KPNA3: variants seen among roughly 807,000 people sequenced by gnomAD.
The protein encoded by KPNA3 is importin subunit alpha-4.
KPNA3 carries 13 observed loss-of-function variants against 73.8 expected under a neutral mutation model. The observed-to-expected ratio is 0.18, with a 90% CI of 0.11 to 0.28. The LOEUF is 0.28. KPNA3 is among the 10% of genes least tolerant of loss of function. The pLI, the probability that KPNA3 is intolerant of heterozygous loss-of-function variation, is 1.00. For missense variants in KPNA3, 360 were observed against 618.1 expected, an observed-to-expected ratio of 0.58 and a Z score of 4.43; for synonymous variants, 186 against 206.9, an observed-to-expected ratio of 0.90 and a Z score of 0.87.
Position 49,732,796 on chromosome 13 carries a change from T to C in KPNA3, c.205-20A>G. ...ATTTTGCTTAAAAAGAAAAAAAAAATAGTTCAGCAGAGTTTATTAACAAAA... is the reference window on the plus strand; with the variant it reads ...ATTTTGCTTAAAAAGAAAAAAAAAACAGTTCAGCAGAGTTTATTAACAAAA... On this transcript the variant is annotated intron_variant, in intron 3 of 16. Coordinates refer to ENST00000261667, the MANE Select transcript of KPNA3 (RefSeq NM_002267.4). 1 of 1,521,862 alleles carries C rather than the reference T, an allele frequency of 6.6e-7. No individual in the cohort carries two copies. Among genetic ancestry groups the C allele is most frequent in the Non-Finnish European group, 9.0e-7 (1 of 1,109,530 alleles). The allele number at this position is 1,521,862 out of a possible 1,614,324, so 94.3% of individuals were successfully genotyped here. A position where few individuals can be genotyped will look rare whatever the true frequency, so the allele number is the denominator to read the frequency against.
chr13:49,769,063 T>C (rs1306921830), intron 1 of KPNA3, among the ~76,000 whole-genome samples: 1 of 152,218 alleles, frequency 6.6e-6, no homozygotes, highest in East Asian at 1.9e-4. Context: ...CTCCAGTTTG[T>C]CTGCTTTTGA....
At chr13:49,783,208 A>C (rs1193517402) in intron 1 of KPNA3, among the ~76,000 whole-genome samples, 1 of 152,180 alleles carries the variant, frequency 6.6e-6, no homozygotes, top group Non-Finnish European at 1.5e-5. Flanking sequence ...GTCAAAATAA[A>C]GTAAAATCTA....
intron 2 of KPNA3, among the ~76,000 whole-genome samples, chr13:49,742,527 T>A (rs1216848232): frequency 6.6e-6 from 1 of 152,156 alleles, no homozygotes; most frequent in Non-Finnish European, 1.5e-5. Context: ...TGCAGTAGAT[T>A]TTCATATCAG....
chr13:49,702,018 A>G lies in KPNA3; in HGVS notation c.1468-120T>C, dbSNP rs1954152955. 6.3e-6 allele frequency: 4 copies of G among 637,088 alleles called. No homozygotes were observed. The African/African-American group carries it at 7.5e-5, about 12-fold the overall frequency. The allele number at this position is 637,088 out of a possible 1,614,324, so 39.5% of individuals were successfully genotyped here. On this transcript the variant is annotated intron_variant, in intron 16 of 16. Coordinates refer to ENST00000261667, the MANE Select transcript of KPNA3 (RefSeq NM_002267.4). ...ATGTGAATGCTTTAACCAACTAAAA[A>G]TATTCGAGTAAATCAATAATTTTAT... is the stretch of plus-strand genomic sequence containing the variant.
chr13:49,788,858 A>G (rs894486141), intron 1 of KPNA3, among the ~76,000 whole-genome samples: 1 of 151,534 alleles, frequency 6.6e-6, no homozygotes, highest in African/African-American at 2.4e-5. Flanking sequence ...ATCAGTGATG[A>G]TAATTACTCC....
At chr13:49,783,712 T>A in intron 1 of KPNA3, among the ~76,000 whole-genome samples, 1 of 152,234 alleles carries the variant, frequency 6.6e-6, no homozygotes, top group East Asian at 1.9e-4. Context: ...AAGTTACTTT[T>A]TTTTCCACTT....
chr13:49,780,316 C>T (rs903510134), intron 1 of KPNA3, among the ~76,000 whole-genome samples: 6 of 152,194 alleles, frequency 3.9e-5, no homozygotes, highest in African/African-American at 1.4e-4. Context: ...GCCCTCAAAG[C>T]CCTAATATTT....
At chr13:49,768,269 ACT>A (rs1483665870) in intron 1 of KPNA3, among the ~76,000 whole-genome samples, 1 of 128,934 alleles carries the variant, frequency 7.8e-6, no homozygotes, top group Non-Finnish European at 1.6e-5. Context: ...ACAGTGCGAG[ACT>A]CTGTCTCAAA....
At chr13:49,790,908 G>GA (rs748507759) in intron 1 of KPNA3, among the ~76,000 whole-genome samples, 1 of 152,214 alleles carries the variant, frequency 6.6e-6, no homozygotes, top group Non-Finnish European at 1.5e-5. Flanking sequence ...TAGGCTTCAA[G>GA]AAAAATTCCT....
At chr13:49,705,034 T>A (rs1007923112) in intron 15 of KPNA3, among the ~76,000 whole-genome samples, 1 of 152,212 alleles carries the variant, frequency 6.6e-6, no homozygotes, top group Non-Finnish European at 1.5e-5. Context: ...TCATGCACTG[T>A]GACTTCAAGA....
chr13:49,754,189 T>G (rs980892832), intron 1 of KPNA3, among the ~76,000 whole-genome samples: 1 of 152,010 alleles, frequency 6.6e-6, no homozygotes, highest in Non-Finnish European at 1.5e-5. Flanking sequence ...CAATCCCAGC[T>G]ATTCCCGGAG....
chr13:49,786,009 T>G (rs12876223), intron 1 of KPNA3, among the ~76,000 whole-genome samples: 32,601 of 152,162 alleles, frequency 0.21, 4,449 homozygotes, highest in Non-Finnish European at 0.32. Context: ...AACATTAATG[T>G]GATACTAAAA....
At chr13:49,708,314 C>T (rs1291913472) in intron 12 of KPNA3, among the ~76,000 whole-genome samples, 1 of 152,016 alleles carries the variant, frequency 6.6e-6, no homozygotes, top group African/African-American at 2.4e-5. Context: ...TAAATTTAAA[C>T]CACAATGAGA....
Position 49,732,995 on chromosome 13 carries a change from T to G in KPNA3, c.166A>C (p.Ser56Arg). 1.2e-6 allele frequency: 2 copies of G among 1,611,900 alleles called. No homozygotes were observed. Among genetic ancestry groups the G allele is most frequent in the Non-Finnish European group, 1.7e-6 (2 of 1,178,356 alleles). The change falls in exon 3 of 17, where the codon AGT becomes CGT. Residue 56 changes from serine (S) to arginine (R), a missense_variant. Physicochemically the swap from Ser to Arg is moderately radical, Grantham distance 110. Transcript: ENST00000261667. ...GCATCAACATCTGAATCTTCTAGAC[T>G]TTCTTCTTGGGGAACATTTCTCTTT... ...LKKRNVPQEE[S>R]LEDSDVDADF... is the part of the protein sequence containing the mutation.
chr13:49,769,670 C>T (rs998222350), intron 1 of KPNA3, among the ~76,000 whole-genome samples: 1 of 152,132 alleles, frequency 6.6e-6, no homozygotes, highest in African/African-American at 2.4e-5. Flanking sequence ...ATTTTATCTA[C>T]CTATTCTTCC....
At chr13:49,705,836 A>T in intron 14 of KPNA3, 53 bp from the exon 15 acceptor site, 1 of 1,431,582 alleles carries the variant, frequency 7.0e-7, no homozygotes, top group Non-Finnish European at 9.3e-7. Context: ...TCTATTTCCC[A>T]GTAGGGTGTC....
intron 1 of KPNA3, among the ~76,000 whole-genome samples, chr13:49,763,900 C>T: frequency 6.6e-6 from 1 of 152,050 alleles, no homozygotes; most frequent in East Asian, 1.9e-4. Flanking sequence ...GACATCTCTA[C>T]AAAAAGATTT....
At chr13:49,720,543 T>C (rs1276990799) in intron 9 of KPNA3, among the ~76,000 whole-genome samples, 3 of 151,966 alleles carry the variant, frequency 2.0e-5, no homozygotes, top group African/African-American at 4.8e-5. Context: ...GACTGCTTGA[T>C]GCCAGGAGTT....
chr13:49,703,746 C>T (rs1411416404), intron 15 of KPNA3, among the ~76,000 whole-genome samples: 2 of 152,130 alleles, frequency 1.3e-5, no homozygotes, highest in Non-Finnish European at 2.9e-5. Context: ...TTACTCCACA[C>T]ATCATATACA....
Sources: gnomAD v4.1 joint callset for allele counts (sites outside exome capture counted in the v4.1 genomes callset) on GRCh38, gnomAD v4.1.1 for gene constraint, MANE v1.5 for transcripts, NCBI Gene and HGNC (gene_info 2026-07-23, HGNC 2026-07-21) for gene names.